TPP2: variants seen among roughly 807,000 people sequenced by gnomAD.
The protein encoded by TPP2 is tripeptidyl peptidase 2.
TPP2 carries 34 observed loss-of-function variants against 155.9 expected under a neutral mutation model. That is an observed-to-expected ratio of 0.22 (90% CI 0.17 to 0.29). The LOEUF (loss-of-function observed/expected upper bound fraction) is 0.29. TPP2 is among the 10% of genes least tolerant of loss of function. The pLI is 1.00. For missense variants in TPP2, 1,028 were observed against 1,522.3 expected, an observed-to-expected ratio of 0.68 and a Z score of 5.40; for synonymous variants, 510 against 529.4, an observed-to-expected ratio of 0.96 and a Z score of 0.50.
At chr13:102,650,295 A>G (rs1262998978) in intron 23 of TPP2, among the ~76,000 whole-genome samples, 1 of 152,170 alleles carries the variant, frequency 6.6e-6, no homozygotes, top group African/African-American at 2.4e-5. Flanking sequence ...GAGCTAAGTA[A>G]GCCTGCTACA....
chr13:102,614,703 C>G (rs1880586063), intron 3 of TPP2, among the ~76,000 whole-genome samples: 3 of 151,946 alleles, frequency 2.0e-5, no homozygotes. Context: ...ACCAGTGTGC[C>G]ATTAGAAAAA....
chr13:102,675,231 T>C (rs1018574837), intron 28 of TPP2, among the ~76,000 whole-genome samples: 8 of 152,162 alleles, frequency 5.3e-5, no homozygotes, highest in African/African-American at 1.4e-4. Context: ...AAAATTCTTA[T>C]ATGGTTCAGA....
intron 25 of TPP2, among the ~76,000 whole-genome samples, chr13:102,658,729 T>A (rs535705309): frequency 1.8e-3 from 270 of 151,548 alleles, no homozygotes; most frequent in Non-Finnish European, 3.1e-3. Context: ...GAAATTTTAC[T>A]TCAGATCTTG....
chr13:102,628,848 C>A (rs1881827020), intron 8 of TPP2, among the ~76,000 whole-genome samples: 1 of 152,156 alleles, frequency 6.6e-6, no homozygotes, highest in African/African-American at 2.4e-5. Flanking sequence ...CTTTCATCCT[C>A]TTGAAGCCCT....
intron 3 of TPP2, among the ~76,000 whole-genome samples, chr13:102,615,713 C>T (rs894805504): frequency 2.0e-5 from 3 of 152,118 alleles, no homozygotes; most frequent in Non-Finnish European, 4.4e-5. Flanking sequence ...TAGTCCTCTG[C>T]GTACACTAGG....
At chr13:102,638,075 G>A (rs1333450497) in intron 14 of TPP2, among the ~76,000 whole-genome samples, 164 bp from the exon 15 acceptor site, 1 of 152,168 alleles carries the variant, frequency 6.6e-6, no homozygotes, top group African/African-American at 2.4e-5. Flanking sequence ...TGTTTGGGCT[G>A]TTTGCTATTA....
Position 102,596,995 on chromosome 13 carries a change from GCA to G in TPP2, c.-43_-42del. 1 of 1,597,100 alleles carries G rather than the reference GCA, an allele frequency of 6.3e-7. No homozygotes were observed. The highest frequency in any genetic ancestry group is 8.5e-7 in the Non-Finnish European group (1 of 1,172,478). On this transcript the variant is annotated 5_prime_UTR_variant, in exon 1 of 30. Transcript: ENST00000376052. ...GTGTCCTCGCGCTGCTAGTCCGCGC[GCA>G]GCCTGGCAGTTTGCCGCTTCCTCGT...
At chr13:102,670,309 T>TA (rs1407871753) in intron 27 of TPP2, among the ~76,000 whole-genome samples, 4 of 152,176 alleles carry the variant, frequency 2.6e-5, no homozygotes, top group African/African-American at 9.7e-5. Context: ...GGTCTAGAGA[T>TA]AAGGGCAAGA....
chr13:102,657,638 C>T (rs1413702929), intron 25 of TPP2, among the ~76,000 whole-genome samples: 5 of 151,774 alleles, frequency 3.3e-5, no homozygotes, highest in Non-Finnish European at 7.4e-5. Flanking sequence ...TTTTTAATGT[C>T]TGTGTTGTAT....
At chr13:102,598,926 A>T (rs1389413533) in intron 1 of TPP2, among the ~76,000 whole-genome samples, 1 of 152,202 alleles carries the variant, frequency 6.6e-6, no homozygotes, top group Admixed American at 6.6e-5. Flanking sequence ...TTTGGCAATG[A>T]TATTTATTCT....
chr13:102,674,402 G>A lies in TPP2; in HGVS notation c.3491G>A (p.Gly1164Glu). 6.2e-7 allele frequency: 1 copy of A among 1,613,976 alleles called. No homozygotes were observed. Among genetic ancestry groups the A allele is most frequent in the Non-Finnish European group, 8.5e-7 (1 of 1,179,892 alleles). Residue 1164 changes from glycine (G) to glutamate (E), a missense_variant, in exon 28 of 30, where the codon GGA (glycine) becomes GAA (glutamate). Physicochemically the swap from Gly to Glu is moderately conservative, Grantham distance 98. Transcript: ENST00000376052. ...QDGAISTDAE[G>E]KEEEGESPLD... ...GGAGCCATTTCCACTGATGCAGAAG[G>A]AAAGGAGGAGGAAGGAGAAAGTCCT...
intron 16 of TPP2, among the ~76,000 whole-genome samples, chr13:102,642,753 A>T (rs1427361351): frequency 6.6e-6 from 1 of 152,224 alleles, no homozygotes; most frequent in African/African-American, 2.4e-5. Flanking sequence ...GTAGACGCAC[A>T]CAGTACACAA....
intron 24 of TPP2, among the ~76,000 whole-genome samples, chr13:102,652,544 C>T (rs1316798852): frequency 1.3e-5 from 2 of 151,380 alleles, no homozygotes; most frequent in East Asian, 3.9e-4. Flanking sequence ...GAAAGAATTA[C>T]AGTGGGAAAA....
chr13:102,669,177 G>T (rs548538094), intron 27 of TPP2, among the ~76,000 whole-genome samples: 1 of 152,142 alleles, frequency 6.6e-6, no homozygotes, highest in Non-Finnish European at 1.5e-5. Flanking sequence ...GAAATTTATC[G>T]TTTAGATTTT....
At chr13:102,642,455 A>G (rs574670474) in intron 16 of TPP2, among the ~76,000 whole-genome samples, 1 of 152,270 alleles carries the variant, frequency 6.6e-6, no homozygotes, top group Non-Finnish European at 1.5e-5. Context: ...AAATTATCAA[A>G]TGATCTAGAA....
rs1882507824 is a variant in TPP2, at chr13:102,638,139, T to C, written c.1837-100T>C. 3 of 1,166,342 alleles carry C rather than the reference T, an allele frequency of 2.6e-6. 1 individual carries two copies. The highest frequency in any genetic ancestry group is 3.8e-6 in the Non-Finnish European group (3 of 795,758). 72.2% of individuals were successfully genotyped at this position (1,166,342 alleles called of 1,614,324 possible). On this transcript the variant is annotated intron_variant, in intron 14 of 29. Transcript: ENST00000376052. ...TGTCAACCTCTGGTTAAGACCTTGATTAAAAGTAGATTGATTTATTCTGTC... is the reference window on the plus strand; with the variant it reads ...TGTCAACCTCTGGTTAAGACCTTGACTAAAAGTAGATTGATTTATTCTGTC...
intron 27 of TPP2, among the ~76,000 whole-genome samples, chr13:102,666,548 G>A (rs559460318): frequency 7.7e-4 from 117 of 152,014 alleles, no homozygotes; most frequent in African/African-American, 2.7e-3. Context: ...TGCAGCCCCC[G>A]ACATTAACTA....
chr13:102,664,240 AT>A (rs1021783197), intron 26 of TPP2, among the ~76,000 whole-genome samples: 1 of 152,250 alleles, frequency 6.6e-6, no homozygotes, highest in African/African-American at 2.4e-5. Context: ...ACCAGAGGGT[AT>A]TTAAAGGAGA....
intron 25 of TPP2, among the ~76,000 whole-genome samples, chr13:102,663,441 C>A (rs1282262964): frequency 6.6e-6 from 1 of 152,206 alleles, no homozygotes; most frequent in Non-Finnish European, 1.5e-5. Flanking sequence ...CCACCATGCC[C>A]AGCCCAGTTT....
Sources: gnomAD v4.1 joint callset for allele counts (sites outside exome capture counted in the v4.1 genomes callset) on GRCh38, gnomAD v4.1.1 for gene constraint, MANE v1.5 for transcripts, NCBI Gene and HGNC (gene_info 2026-07-23, HGNC 2026-07-21) for gene names.